The following WDR27 variants were observed in gnomAD, a reference collection of about 807,000 sequenced individuals.
WDR27 encodes the protein WD repeat-containing protein 27.
A neutral mutation model predicts 114.4 loss-of-function variants in WDR27; 100 were observed. That is an observed-to-expected ratio of 0.87 (90% CI 0.74 to 1.03). WDR27 has a LOEUF of 1.03. Among genes scored for constraint, WDR27 ranks in the 50% least tolerant of loss-of-function variants. The probability of loss-of-function intolerance (pLI) is 0.00; values close to 1 mark genes in which losing one functional copy is unlikely to be tolerated. For synonymous variants in WDR27, 449 were observed against 423.1 expected (o/e 1.06, Z -0.75); for missense variants, 1,129 against 1,092.9 (o/e 1.03, Z -0.47).
At chr6:169,583,363 G>C (rs983832508) in intron 23 of WDR27, among the ~76,000 whole-genome samples, 1 of 149,796 alleles carries the variant, frequency 6.7e-6, no homozygotes, top group Non-Finnish European at 1.5e-5. Flanking sequence ...TAGGAGATAG[G>C]TACATACACT....
chr6:169,609,146 C>T (rs1036445725), intron 22 of WDR27, among the ~76,000 whole-genome samples: 1 of 151,848 alleles, frequency 6.6e-6, no homozygotes, highest in Non-Finnish European at 1.5e-5. Context: ...CTCCCAGCTG[C>T]TTTCACAGCC....
intron 13 of WDR27, among the ~76,000 whole-genome samples, chr6:169,657,077 G>A (rs187668070): frequency 6.1e-4 from 93 of 152,292 alleles, no homozygotes; most frequent in African/African-American, 2.1e-3. Flanking sequence ...GTCTTTCATG[G>A]AAACAGGGCG....
chr6:169,501,941 G>A (rs761004775), intron 25 of WDR27, among the ~76,000 whole-genome samples: 1 of 152,220 alleles, frequency 6.6e-6, no homozygotes, highest in Non-Finnish European at 1.5e-5. Flanking sequence ...CACTAAGTAG[G>A]CTGAACAGCT....
intron 25 of WDR27, among the ~76,000 whole-genome samples, chr6:169,527,718 G>C (rs1050333100): frequency 6.6e-6 from 1 of 152,132 alleles, no homozygotes; most frequent in Non-Finnish European, 1.5e-5. Flanking sequence ...AAATAATTTT[G>C]TAATGGGGCT....
In WDR27 at chr6:169,457,346, A is replaced by G; in HGVS notation, c.*246T>C. 1 of 400,880 alleles carries G rather than the reference A, an allele frequency of 2.5e-6. No individual in the cohort carries two copies. The highest frequency in any genetic ancestry group is 6.4e-5 in the South Asian group (1 of 15,542). The allele number at this position is 400,880 out of a possible 1,614,324, so 24.8% of individuals were successfully genotyped here. On this transcript the variant is annotated 3_prime_UTR_variant, in exon 26 of 26. Transcript: ENST00000448612. ...TTAACTTTACCAAATTCTGTGCAGA[A>G]GTACTGGACGCCATTTCCATTTTCC...
chr6:169,429,125 C>A, the WDR27 span, among the ~76,000 whole-genome samples: 63 of 152,264 alleles, frequency 4.1e-4, no homozygotes, highest in African/African-American at 1.5e-3. Flanking sequence ...TGTTTTCCAG[C>A]CCCAGGCTCC....
At chr6:169,478,082 G>T (rs1214167496) in intron 25 of WDR27, among the ~76,000 whole-genome samples, 1 of 152,094 alleles carries the variant, frequency 6.6e-6, no homozygotes, top group African/African-American at 2.4e-5. Context: ...CAAGATTGGA[G>T]GGACAGAAGT....
At chr6:169,446,141 G>T in the WDR27 span, among the ~76,000 whole-genome samples, 1 of 152,284 alleles carries the variant, frequency 6.6e-6, no homozygotes, top group African/African-American at 2.4e-5. Context: ...GCTCCCTTCA[G>T]TTCAGCACAG....
At chr6:169,596,811 G>A (rs1223971859) in intron 23 of WDR27, among the ~76,000 whole-genome samples, 3 of 152,032 alleles carry the variant, frequency 2.0e-5, no homozygotes, top group Admixed American at 2.0e-4. Context: ...AAAGAAAAGT[G>A]TAATCATATT....
chr6:169,650,636 T>C (rs1232241039), intron 14 of WDR27, among the ~76,000 whole-genome samples: 1 of 137,224 alleles, frequency 7.3e-6, no homozygotes, highest in Non-Finnish European at 1.6e-5. Flanking sequence ...CATCCATCTC[T>C]TATCCCTCCA....
chr6:169,614,089 CTA>C (rs1811251907), intron 21 of WDR27, among the ~76,000 whole-genome samples: 1 of 152,212 alleles, frequency 6.6e-6, no homozygotes, highest in Admixed American at 6.5e-5. Flanking sequence ...CCTGCGATGA[CTA>C]TGTGGGTGAA....
the WDR27 span, among the ~76,000 whole-genome samples, chr6:169,446,340 G>A: frequency 3.9e-5 from 6 of 152,288 alleles, no homozygotes; most frequent in Non-Finnish European, 7.4e-5. Context: ...GGAAGCCCAC[G>A]GCAGGACCAG....
intron 1 of WDR27, among the ~76,000 whole-genome samples, 168 bp downstream of exon 1, chr6:169,701,383 A>G (rs1787983994): frequency 6.6e-6 from 1 of 152,224 alleles, no homozygotes; most frequent in Non-Finnish European, 1.5e-5. Context: ...CCAGTGGGGC[A>G]TAATTAACGA....
At chr6:169,500,747 G>A (rs1303807826) in intron 25 of WDR27, among the ~76,000 whole-genome samples, 1 of 152,162 alleles carries the variant, frequency 6.6e-6, no homozygotes, top group East Asian at 1.9e-4. Context: ...ACATGGTGGA[G>A]ACCGCAGTGA....
At chr6:169,463,155 TG>T (rs1354245048) in intron 25 of WDR27, among the ~76,000 whole-genome samples, 1 of 152,194 alleles carries the variant, frequency 6.6e-6, no homozygotes, top group Non-Finnish European at 1.5e-5. Flanking sequence ...ATTTCTAAGA[TG>T]GCATCTTGAA....
At chr6:169,649,373 T>C in intron 14 of WDR27, 98 bp from the exon 15 acceptor site, 3 of 1,033,568 alleles carry the variant, frequency 2.9e-6, no homozygotes, top group Admixed American at 2.1e-5. Flanking sequence ...TATACATAGA[T>C]ATAGACGTCT....
intron 25 of WDR27, among the ~76,000 whole-genome samples, chr6:169,468,007 C>T (rs569277280): frequency 1.3e-5 from 2 of 152,296 alleles, no homozygotes; most frequent in South Asian, 2.1e-4. Context: ...AAACTTCTTC[C>T]GCCAGATACC....
chr6:169,529,312 C>CGGG (rs10718481), intron 25 of WDR27, among the ~76,000 whole-genome samples: 29 of 115,190 alleles, frequency 2.5e-4, no homozygotes, highest in South Asian at 6.8e-4. Context: ...GTGACCTCTG[C>CGGG]GGGGGGGGGG....
chr6:169,496,355 A>G (rs1342092718), intron 25 of WDR27, among the ~76,000 whole-genome samples: 1 of 152,132 alleles, frequency 6.6e-6, no homozygotes, highest in East Asian at 1.9e-4. Flanking sequence ...TTCAATGATG[A>G]AAGACTGAGA....
Sources: gnomAD v4.1 joint callset for allele counts (sites outside exome capture counted in the v4.1 genomes callset) on GRCh38, gnomAD v4.1.1 for gene constraint, MANE v1.5 for transcripts, NCBI Gene and HGNC (gene_info 2026-07-23, HGNC 2026-07-21) for gene names.